The following TUBA4B variants were observed in gnomAD, a reference collection of about 807,000 sequenced individuals.
TUBA4B encodes the protein tubulin alpha 4b.
TUBA4B carries 13 observed loss-of-function variants against 18.4 expected under a neutral mutation model. The ratio of observed to expected loss-of-function variants is 0.71; its 90% CI spans 0.46 to 1.12. The LOEUF is 1.12. Ranked by LOEUF, TUBA4B falls within the 50% of genes most tolerant of loss-of-function variation. TUBA4B has a pLI of 0.00. For synonymous variants in TUBA4B, 101 were observed against 99.1 expected (o/e 1.02, Z -0.11); for missense variants, 244 against 250.0 (o/e 0.98, Z 0.16).
chr2:219,257,097 A>G (rs1446869804), intron 1 of TUBA4B, among the ~76,000 whole-genome samples: 2 of 133,256 alleles, frequency 1.5e-5, no homozygotes, highest in African/African-American at 5.7e-5. Flanking sequence ...AGGCTGGAGT[A>G]CAGTGGCGCG....
At chr2:219,268,313 T>C (rs1032230182) in intron 2 of TUBA4B, among the ~76,000 whole-genome samples, 2 of 152,042 alleles carry the variant, frequency 1.3e-5, no homozygotes, top group African/African-American at 4.8e-5. Flanking sequence ...CAGGATGGTC[T>C]CGAGCTCCTG....
At chr2:219,256,838 T>C (rs1349533442) in intron 1 of TUBA4B, among the ~76,000 whole-genome samples, 2 of 151,852 alleles carry the variant, frequency 1.3e-5, no homozygotes, top group Non-Finnish European at 1.5e-5. Flanking sequence ...AAAATAAAAA[T>C]TATAAAATAA....
chr2:219,260,026 C>T (rs1372442468), intron 1 of TUBA4B, among the ~76,000 whole-genome samples: 1 of 152,202 alleles, frequency 6.6e-6, no homozygotes. Context: ...TTCTTAGCCG[C>T]TCACAGCAGC....
intron 1 of TUBA4B, chr2:219,266,223 G>A (rs918115046): frequency 6.1e-5 from 23 of 377,144 alleles, no homozygotes; most frequent in African/African-American, 4.3e-4. Context: ...TGAAGTGCAG[G>A]CTGTGCCACC....
intron 1 of TUBA4B, among the ~76,000 whole-genome samples, chr2:219,262,078 G>A (rs57184001): frequency 0.077 from 11,738 of 152,234 alleles, 984 homozygotes; most frequent in African/African-American, 0.2. Flanking sequence ...TTGTGAGGCC[G>A]AGGCGGGCGG....
intron 1 of TUBA4B, among the ~76,000 whole-genome samples, chr2:219,265,991 G>A (rs985998643): frequency 4.6e-5 from 7 of 152,218 alleles, no homozygotes; most frequent in African/African-American, 1.7e-4. Flanking sequence ...CAAGCTCTAG[G>A]TCGCTTGTTC....
intron 1 of TUBA4B, among the ~76,000 whole-genome samples, chr2:219,265,915 A>G (rs1434535282): frequency 6.6e-6 from 1 of 152,204 alleles, no homozygotes; most frequent in Non-Finnish European, 1.5e-5. Context: ...ACCTCTCCCC[A>G]TTCTCCAGAG....
chr2:219,261,371 C>G (rs971437902), intron 1 of TUBA4B, among the ~76,000 whole-genome samples: 1 of 152,182 alleles, frequency 6.6e-6, no homozygotes, highest in Non-Finnish European at 1.5e-5. Flanking sequence ...TTGAAGCGCC[C>G]TAGCAGACTT....
chr2:219,267,572 C>CT lies in TUBA4B; in HGVS notation c.58+1014dup, dbSNP rs1211655290. Reference sequence around the variant, plus strand: ...TCTGTGTGACTCCAGAGGCTGAGTTCTTTTTTTTGTTTTTTTTTTTTTGAG... The same window carrying CT: ...TCTGTGTGACTCCAGAGGCTGAGTTCTTTTTTTTTGTTTTTTTTTTTTTGAG... On this transcript the variant is annotated intron_variant, in intron 2 of 3. Coordinates refer to ENST00000490341, the MANE Select transcript of TUBA4B (RefSeq NM_001355221.1). Among the ~76,000 whole-genome samples the CT allele has an allele frequency of 1.3e-3, 187 of 149,188 alleles. 1 individual carries two copies. Among genetic ancestry groups the CT allele is most frequent in the African/African-American group, 3.5e-3 (141 of 40,636 alleles).
intron 1 of TUBA4B, 108 bp downstream of exon 1, chr2:219,253,527 C>T (rs1951683865): frequency 2.1e-6 from 2 of 959,794 alleles, no homozygotes; most frequent in Admixed American, 4.1e-5. Flanking sequence ...CTTTTGCCCG[C>T]GGAAAGGACG....
intron 2 of TUBA4B, among the ~76,000 whole-genome samples, chr2:219,268,729 T>A (rs73991447): frequency 0.075 from 11,370 of 152,226 alleles, 998 homozygotes; most frequent in African/African-American, 0.22. Context: ...GTCAATGAAG[T>A]GTTACATTTT....
At chr2:219,256,377 G>A (rs776385351) in intron 1 of TUBA4B, among the ~76,000 whole-genome samples, 2 of 152,190 alleles carry the variant, frequency 1.3e-5, no homozygotes, top group Non-Finnish European at 2.9e-5. Context: ...ACTATTGGAG[G>A]TAAGGACTGT....
intron 3 of TUBA4B, 27 bp from the exon 4 acceptor site, chr2:219,271,139 A>G (rs1384297829): frequency 1.3e-6 from 1 of 759,936 alleles, no homozygotes; most frequent in Non-Finnish European, 2.3e-6. Flanking sequence ...TCCATGCCCC[A>G]CATTTCCCCT....
chr2:219,254,059 C>G (rs955129008), intron 1 of TUBA4B: 1 of 482,170 alleles, frequency 2.1e-6, no homozygotes, highest in Non-Finnish European at 3.7e-6. Flanking sequence ...GGAGCCTGGC[C>G]TGGTACCCTC....
Position 219,253,273 on chromosome 2 carries a change from G to A in TUBA4B, c.-135G>A, listed in dbSNP as rs1424578819. On this transcript the variant is annotated 5_prime_UTR_variant, in exon 1 of 4. Coordinates refer to ENST00000490341, the MANE Select transcript of TUBA4B (RefSeq NM_001355221.1). ...TGCCCATCCGCGCACCCGGGCTTCG[G>A]CTGGAGAGGGCCAGCTCGCTTCAGG... 1 of 1,493,810 alleles carries A rather than the reference G, an allele frequency of 6.7e-7. No individual in the cohort carries two copies. Among genetic ancestry groups the A allele is most frequent in the East Asian group, 2.5e-5 (1 of 40,508 alleles). 92.5% of individuals were successfully genotyped at this position (1,493,810 alleles called of 1,614,324 possible). A position where few individuals can be genotyped will look rare whatever the true frequency, so the allele number is the denominator to read the frequency against.
chr2:219,264,257 C>T (rs573327743), intron 1 of TUBA4B, among the ~76,000 whole-genome samples: 3 of 151,998 alleles, frequency 2.0e-5, no homozygotes, highest in Non-Finnish European at 2.9e-5. Context: ...GTCAGGAGTT[C>T]GAGACCAGCT....
Position 219,271,992 on chromosome 2 carries a change from A to G in TUBA4B, c.*293A>G. 6.6e-7 allele frequency: 1 copy of G among 1,524,686 alleles called. No homozygotes were observed. The highest frequency in any genetic ancestry group is 9.1e-7 in the Non-Finnish European group (1 of 1,099,518). 94.4% of individuals were successfully genotyped at this position (1,524,686 alleles called of 1,614,324 possible). On this transcript the variant is annotated 3_prime_UTR_variant, in exon 4 of 4. Transcript: ENST00000490341. ...CAAGTTTGACCTGATGTATGCCAAG[A>G]GGGCGTTTGGGCACTGATATGTGGG...
At chr2:219,257,291 T>C (rs1377987668) in intron 1 of TUBA4B, among the ~76,000 whole-genome samples, 4 of 145,860 alleles carry the variant, frequency 2.7e-5, no homozygotes, top group African/African-American at 1.0e-4. Flanking sequence ...TCCACCCACC[T>C]CAGCCTCCCA....
Position 219,253,425 on chromosome 2 carries a change from C to T in TUBA4B, c.12+6C>T, listed in dbSNP as rs1559277717. 2.0e-6 allele frequency: 3 copies of T among 1,519,030 alleles called. No homozygotes were observed. The highest frequency in any genetic ancestry group is 1.7e-4 in the Middle Eastern group (1 of 5,958). 94.1% of individuals were successfully genotyped at this position (1,519,030 alleles called of 1,614,324 possible). On this transcript the variant is annotated splice_donor_region_variant and intron_variant, in intron 1 of 3. Coordinates refer to ENST00000490341, the MANE Select transcript of TUBA4B (RefSeq NM_001355221.1). ...AAAGGGGGATGCGGCACCAGGTAAC[C>T]TGACCCCTTCCACCTTCTAGCGCCA...
Sources: gnomAD v4.1 joint callset for allele counts (sites outside exome capture counted in the v4.1 genomes callset) on GRCh38, gnomAD v4.1.1 for gene constraint, MANE v1.5 for transcripts, NCBI Gene and HGNC (gene_info 2026-07-23, HGNC 2026-07-21) for gene names.